The following CACNA2D3 variants were observed in gnomAD, a reference collection of about 807,000 sequenced individuals.
CACNA2D3 encodes the protein calcium voltage-gated channel auxiliary subunit alpha2delta 3.
CACNA2D3 carries 60 observed loss-of-function variants against 160.6 expected under a neutral mutation model. That is an observed-to-expected ratio of 0.37 (90% CI 0.30 to 0.46). The LOEUF (loss-of-function observed/expected upper bound fraction) is 0.46. CACNA2D3 is among the 20% of genes least tolerant of loss of function. The pLI, the probability that CACNA2D3 is intolerant of heterozygous loss-of-function variation, is 1.00. For synonymous variants in CACNA2D3, 558 were observed against 492.9 expected, an observed-to-expected ratio of 1.13 and a Z score of -1.75; for missense variants, 1,205 against 1,365.0, an observed-to-expected ratio of 0.88 and a Z score of 1.85.
intron 35 of CACNA2D3, among the ~76,000 whole-genome samples, chr3:55,042,382 G>T (rs1442995252): frequency 1.3e-5 from 2 of 151,944 alleles, no homozygotes; most frequent in Non-Finnish European, 2.9e-5. Context: ...CTTATTTTCT[G>T]TCTTATTTTC....
At chr3:54,768,252 C>T (rs1480501456) in intron 13 of CACNA2D3, among the ~76,000 whole-genome samples, 3 of 152,220 alleles carry the variant, frequency 2.0e-5, no homozygotes, top group Admixed American at 6.5e-5. Context: ...ACATCTTGAG[C>T]GGGTCCTCAA....
In CACNA2D3 at chr3:54,703,092, G is replaced by A. The variant is rs535452484; in HGVS notation, c.1168-49507G>A. Among the ~76,000 whole-genome samples the A allele has an allele frequency of 5.9e-5, 9 of 152,240 alleles. No individual in the cohort carries two copies. The South Asian group carries it at 1.9e-3, about 32-fold the overall frequency. On this transcript the variant is annotated intron_variant, in intron 11 of 37. Transcript: ENST00000474759. Reference sequence around the variant, plus strand: ...GGGCTTATATGAGGGTGGAGGGTGGGAGGAGGGTGAGGATCACAAAACTAT... The same window carrying A: ...GGGCTTATATGAGGGTGGAGGGTGGAAGGAGGGTGAGGATCACAAAACTAT...
intron 2 of CACNA2D3, among the ~76,000 whole-genome samples, chr3:54,195,216 T>C (rs1701057171): frequency 6.6e-6 from 1 of 152,234 alleles, no homozygotes; most frequent in Non-Finnish European, 1.5e-5. Context: ...TCCCAGGGCA[T>C]TCTGATGCAT....
At chr3:54,314,167 A>G (rs1434638829) in intron 2 of CACNA2D3, among the ~76,000 whole-genome samples, 2 of 152,146 alleles carry the variant, frequency 1.3e-5, no homozygotes, top group Non-Finnish European at 2.9e-5. Flanking sequence ...TTGGTTTTCT[A>G]TTCCTAAGTT....
At chr3:54,621,424 T>C (rs72868888) in intron 9 of CACNA2D3, among the ~76,000 whole-genome samples, 3,168 of 152,260 alleles carry the variant, frequency 0.021, 117 homozygotes, top group African/African-American at 0.072. Flanking sequence ...CGTGGGCTCA[T>C]CTCCCCAGGC....
In CACNA2D3 at chr3:54,648,828, A is replaced by G. The variant is rs113872223; in HGVS notation, c.1167+6587A>G. On this transcript the variant is annotated intron_variant, in intron 11 of 37. Transcript: ENST00000474759. Reference sequence around the variant, plus strand: ...GTCACATGGTGAGAGAGGAGGAGGTAAGAGAGAGAAAAGGGGTAGGGCCAG... The same window carrying G: ...GTCACATGGTGAGAGAGGAGGAGGTGAGAGAGAGAAAAGGGGTAGGGCCAG... Among the ~76,000 whole-genome samples the G allele has an allele frequency of 6.0e-3, 918 of 152,254 alleles. 7 individuals carry two copies. Among genetic ancestry groups the G allele is most frequent in the African/African-American group, 0.021 (859 of 41,558 alleles).
At chr3:54,335,368 A>AT (rs879876198) in intron 3 of CACNA2D3, among the ~76,000 whole-genome samples, 1 of 152,148 alleles carries the variant, frequency 6.6e-6, no homozygotes, top group African/African-American at 2.4e-5. Flanking sequence ...CTGGTTGCTC[A>AT]TTTTTTTGTT....
rs780929019 is a variant in CACNA2D3, at chr3:55,073,491, G to T, written c.3034G>T (p.Val1012Leu). The change falls in exon 36 of 38, where the codon GTG becomes TTG. Residue 1012 changes from valine (V) to leucine (L), a missense_variant. Physicochemically the swap from Val to Leu is conservative, Grantham distance 32 (BLOSUM62 1). Transcript: ENST00000474759. ...CCCAAGCAGCAACCTGTTCATGGTG[G>T]TGGTGGACAGCAGCTGCCTCTGTGA... The part of the protein sequence containing the change: ...QIPSSNLFMV[V>L]VDSSCLCESV... 34 of 1,613,800 alleles carry T rather than the reference G, an allele frequency of 2.1e-5. 1 individual carries two copies. Among genetic ancestry groups the T allele is most frequent in the Non-Finnish European group, 2.5e-5 (29 of 1,179,878 alleles).
chr3:54,696,667 A>G (rs1009146164), intron 11 of CACNA2D3, among the ~76,000 whole-genome samples: 1 of 152,160 alleles, frequency 6.6e-6, no homozygotes, highest in Non-Finnish European at 1.5e-5. Context: ...ACCTACCATC[A>G]TCACATTACT....
intron 11 of CACNA2D3, among the ~76,000 whole-genome samples, chr3:54,744,164 T>A (rs1701705081): frequency 6.6e-6 from 1 of 152,238 alleles, no homozygotes; most frequent in Non-Finnish European, 1.5e-5. Context: ...TGAATGTGAA[T>A]AGCTGATATC....
chr3:54,867,117 G>C (rs1271115727), intron 17 of CACNA2D3, among the ~76,000 whole-genome samples: 3 of 152,132 alleles, frequency 2.0e-5, no homozygotes, highest in African/African-American at 7.2e-5. Flanking sequence ...TGCCATACAC[G>C]ATGCTTAGGC....
rs767056687 is a variant in CACNA2D3 at position 54,846,406 on chromosome 3, G to C, written c.1565G>C (p.Gly522Ala). ...TIPKYKLGIHGYAFAITNNGY... is the reference protein window; with the variant it reads ...TIPKYKLGIHAYAFAITNNGY... ...TTCCTCTTACAGTTAGGGATTCACG[G>C]TTATGCCTTTGCAATCACAAATAAT... The change falls in exon 17 of 38, where the codon GGT becomes GCT. Residue 522 changes from glycine to alanine, a missense_variant. Physicochemically the swap from Gly to Ala is moderately conservative, Grantham distance 60 (BLOSUM62 0). Transcript: ENST00000474759. 6.2e-7 allele frequency: 1 copy of C among 1,605,784 alleles called. No homozygotes were observed. The highest frequency in any genetic ancestry group is 1.1e-5 in the South Asian group (1 of 89,108).
At chr3:55,033,834 A>ATATTACATATTAAATATATTTAATATG (rs1553635422) in intron 35 of CACNA2D3, among the ~76,000 whole-genome samples, 4,193 of 89,138 alleles carry the variant, frequency 0.047, 147 homozygotes, top group Non-Finnish European at 0.071. Context: ...TATTTAATAT[A>ATATTACATATTAAATATATTTAATATG]TAATATATAT....
At chr3:54,135,302 C>T (rs1699794760) in intron 2 of CACNA2D3, among the ~76,000 whole-genome samples, 1 of 152,200 alleles carries the variant, frequency 6.6e-6, no homozygotes, top group Non-Finnish European at 1.5e-5. Context: ...CAGAACGTTC[C>T]TTGGGTGATC....
At chr3:54,802,736 G>A (rs1703022014) in intron 13 of CACNA2D3, among the ~76,000 whole-genome samples, 1 of 152,184 alleles carries the variant, frequency 6.6e-6, no homozygotes, top group African/African-American at 2.4e-5. Context: ...GGAGATGTGA[G>A]AATGGGCAGA....
In CACNA2D3 at chr3:54,165,751, G is replaced by T. The variant is rs116848940; in HGVS notation, c.204+42157G>T. ...TGTTTGAGGCTGCAGTGAGCCATGC[G>T]CATGCTACTGCACTCCAGCTTGGGT... On this transcript the variant is annotated intron_variant, in intron 2 of 37. Coordinates refer to ENST00000474759, the MANE Select transcript of CACNA2D3 (RefSeq NM_018398.3). 4.3e-4 allele frequency among the ~76,000 whole-genome samples: 65 copies of T among 152,158 alleles called. No homozygotes were observed. In the East Asian group the frequency reaches 0.01, roughly 24 times the overall value.
chr3:54,772,511 A>T (rs1475679327), intron 13 of CACNA2D3, among the ~76,000 whole-genome samples: 1 of 151,948 alleles, frequency 6.6e-6, no homozygotes, highest in Non-Finnish European at 1.5e-5. Context: ...AAACTGACAA[A>T]ACTTCCTTTC....
intron 14 of CACNA2D3, among the ~76,000 whole-genome samples, chr3:54,827,965 A>G (rs954088019): frequency 6.6e-6 from 1 of 152,230 alleles, no homozygotes; most frequent in African/African-American, 2.4e-5. Context: ...CACAGTGTTC[A>G]GTGACTTTGC....
chr3:54,718,552 G>GT (rs1701106962), intron 11 of CACNA2D3, among the ~76,000 whole-genome samples: 1 of 151,560 alleles, frequency 6.6e-6, no homozygotes, highest in Admixed American at 6.6e-5. Context: ...GTCTGTTTAT[G>GT]TTTGTACTCT....
Sources: gnomAD v4.1 joint callset for allele counts (sites outside exome capture counted in the v4.1 genomes callset) on GRCh38, gnomAD v4.1.1 for gene constraint, MANE v1.5 for transcripts, NCBI Gene and HGNC (gene_info 2026-07-23, HGNC 2026-07-21) for gene names.